Variants in COL11A1 observed in about 807,000 individuals in gnomAD.
The protein encoded by COL11A1 is collagen type XI alpha 1 chain.
A neutral mutation model predicts 265.2 loss-of-function variants in COL11A1; 74 were observed. The ratio of observed to expected loss-of-function variants is 0.28; its 90% CI spans 0.23 to 0.34. The LOEUF is 0.34. Ranked by LOEUF, COL11A1 falls within the 10% of genes least tolerant of loss-of-function variation. The pLI, the probability that COL11A1 is intolerant of heterozygous loss-of-function variation, is 1.00. For synonymous variants in COL11A1, 816 were observed against 727.6 expected, an observed-to-expected ratio of 1.12 and a Z score of -1.96; for missense variants, 2,165 against 2,263.6, an observed-to-expected ratio of 0.96 and a Z score of 0.88.
chr1:103,050,731 T>G (rs1669745144), intron 4 of COL11A1, among the ~76,000 whole-genome samples: 1 of 152,196 alleles, frequency 6.6e-6, no homozygotes. Context: ...TCTTTGTGGT[T>G]TTATCTACCT....
At chr1:103,041,093 T>C (rs1668777999) in intron 4 of COL11A1, among the ~76,000 whole-genome samples, 1 of 152,000 alleles carries the variant, frequency 6.6e-6, no homozygotes, top group Admixed American at 6.6e-5. Flanking sequence ...TTAATATCAT[T>C]GTGAAGGTCA....
chr1:102,886,520 C>A (rs1463048), intron 63 of COL11A1, among the ~76,000 whole-genome samples: 12 of 152,048 alleles, frequency 7.9e-5, no homozygotes, highest in African/African-American at 2.9e-4. Context: ...TACACAGTAT[C>A]CATTCTGTGA....
At chr1:102,986,857 T>A (rs1222092585) in intron 30 of COL11A1, among the ~76,000 whole-genome samples, 1 of 152,154 alleles carries the variant, frequency 6.6e-6, no homozygotes, top group Non-Finnish European at 1.5e-5. Flanking sequence ...GATAATTATC[T>A]GGGGATGTTT....
intron 7 of COL11A1, among the ~76,000 whole-genome samples, chr1:103,024,781 T>C (rs1048500299): frequency 1.3e-5 from 2 of 152,138 alleles, no homozygotes; most frequent in African/African-American, 4.8e-5. Flanking sequence ...TTGAGAGACA[T>C]TTTACATAAA....
intron 52 of COL11A1, among the ~76,000 whole-genome samples, 178 bp downstream of exon 52, chr1:102,914,174 G>C (rs1040167086): frequency 6.6e-6 from 1 of 152,124 alleles, no homozygotes; most frequent in African/African-American, 2.4e-5. Context: ...CTTAGTGTTG[G>C]TGCAATAGTC....
chr1:102,926,941 A>T (rs1656660690), intron 46 of COL11A1, among the ~76,000 whole-genome samples: 1 of 152,156 alleles, frequency 6.6e-6, no homozygotes, highest in Non-Finnish European at 1.5e-5. Flanking sequence ...TATGAAAGTG[A>T]AGTTTTTGCA....
chr1:103,076,613 T>A (rs887288833), intron 3 of COL11A1, among the ~76,000 whole-genome samples: 7 of 152,128 alleles, frequency 4.6e-5, no homozygotes, highest in African/African-American at 1.7e-4. Flanking sequence ...TCTCACTTCC[T>A]TTGTGATTTT....
rs542313907 is a variant in COL11A1, at chr1:103,108,033, G to A, written c.106+40C>T. 1.2e-4 allele frequency: 176 copies of A among 1,478,514 alleles called. 3 individuals carry two copies. In the South Asian group the frequency reaches 1.9e-3, roughly 16 times the overall value. 91.6% of individuals were successfully genotyped at this position (1,478,514 alleles called of 1,614,324 possible). Reference sequence around the variant, plus strand: ...GGAGGGGCGCAGAAGCAGTAGGACCGACGGCAATCTCCCACCTCCCCAAAT... The same window carrying A: ...GGAGGGGCGCAGAAGCAGTAGGACCAACGGCAATCTCCCACCTCCCCAAAT... On this transcript the variant is annotated intron_variant, in intron 1 of 66. Coordinates refer to ENST00000370096, the MANE Select transcript of COL11A1 (RefSeq NM_001854.4).
intron 28 of COL11A1, among the ~76,000 whole-genome samples, chr1:102,993,047 A>G (rs1213039489): frequency 1.3e-5 from 2 of 151,796 alleles, no homozygotes; most frequent in Non-Finnish European, 2.9e-5. Context: ...TCACTTTACA[A>G]CTCTCCTAGC....
chr1:103,108,019 G>T, intron 1 of COL11A1, 54 bp downstream of exon 1: 3 of 1,278,330 alleles, frequency 2.3e-6, no homozygotes, highest in Non-Finnish European at 3.4e-6. Flanking sequence ...GAGGGGCGCA[G>T]AAGCAGTAGG....
In COL11A1 at chr1:103,052,686, A is replaced by C. The variant is rs191746322; in HGVS notation, c.652-21442T>G. Among the ~76,000 whole-genome samples, 442 of 152,322 alleles carry C rather than the reference A, an allele frequency of 2.9e-3. 2 individuals carry two copies. The highest frequency in any genetic ancestry group is 4.9e-3 in the Non-Finnish European group (336 of 68,020). On this transcript the variant is annotated intron_variant, in intron 4 of 66. Coordinates refer to ENST00000370096, the MANE Select transcript of COL11A1 (RefSeq NM_001854.4). Reference sequence around the variant, plus strand: ...GCTTTTGAATAACATATGCTATCTTACAGCTTTCCCAACCCTTTATTCTCC... The same window carrying C: ...GCTTTTGAATAACATATGCTATCTTCCAGCTTTCCCAACCCTTTATTCTCC...
rs764236870 is a variant in COL11A1 at position 103,002,743 on chromosome 1, A to T, written c.2043+4T>A. ...GAGTTATTTTATCACTATTTGCTAC[A>T]TACCATGTTCCCTTTTGGTCCTGGG... is the stretch of plus-strand genomic sequence containing the variant. On this transcript the variant is annotated splice_donor_region_variant and intron_variant, in intron 22 of 66. Transcript: ENST00000370096. The T allele has an allele frequency of 4.3e-6, 7 of 1,611,662 alleles. No homozygotes were observed. The highest frequency in any genetic ancestry group is 5.1e-6 in the Non-Finnish European group (6 of 1,177,928).
chr1:103,094,734 A>G (rs944677728), intron 1 of COL11A1, among the ~76,000 whole-genome samples: 1 of 152,158 alleles, frequency 6.6e-6, no homozygotes, highest in Non-Finnish European at 1.5e-5. Context: ...TTGTAAGAAT[A>G]CAGCATAAAA....
intron 4 of COL11A1, among the ~76,000 whole-genome samples, chr1:103,049,993 T>C (rs916273379): frequency 1.3e-5 from 2 of 152,234 alleles, no homozygotes; most frequent in African/African-American, 4.8e-5. Flanking sequence ...GGGCTTCCCT[T>C]TGTGGGTAAC....
chr1:102,889,948 T>C (rs983666389), intron 58 of COL11A1, among the ~76,000 whole-genome samples: 9 of 152,128 alleles, frequency 5.9e-5, no homozygotes, highest in Admixed American at 5.9e-4. Flanking sequence ...TAATTTCTAC[T>C]CTTCAGAGAC....
chr1:102,904,753 A>C (rs1203471176), intron 54 of COL11A1, among the ~76,000 whole-genome samples: 1 of 140,118 alleles, frequency 7.1e-6, no homozygotes, highest in Non-Finnish European at 1.6e-5. Context: ...GTGGAGAAAT[A>C]GGAACACTTT....
At chr1:103,106,920 C>A (rs1273586369) in intron 1 of COL11A1, among the ~76,000 whole-genome samples, 1 of 152,174 alleles carries the variant, frequency 6.6e-6, no homozygotes, top group African/African-American at 2.4e-5. Context: ...TGGGCTTGAC[C>A]ATTTTTATCT....
chr1:102,949,581 T>C (rs1296625730), intron 41 of COL11A1, among the ~76,000 whole-genome samples: 2 of 152,214 alleles, frequency 1.3e-5, no homozygotes, highest in Non-Finnish European at 2.9e-5. Flanking sequence ...CTTACAATTA[T>C]TATACCTACT....
intron 35 of COL11A1, among the ~76,000 whole-genome samples, chr1:102,978,044 T>C (rs1371074822): frequency 6.6e-6 from 1 of 152,160 alleles, no homozygotes; most frequent in Non-Finnish European, 1.5e-5. Flanking sequence ...CTGAAAATTA[T>C]TATAGAATAT....
Sources: gnomAD v4.1 joint callset for allele counts (sites outside exome capture counted in the v4.1 genomes callset) on GRCh38, gnomAD v4.1.1 for gene constraint, MANE v1.5 for transcripts, NCBI Gene and HGNC (gene_info 2026-07-23, HGNC 2026-07-21) for gene names.